The following POR variants were observed in gnomAD, a reference collection of about 807,000 sequenced individuals.
POR encodes the protein NADPH--cytochrome P450 reductase.
In POR, 56 loss-of-function variants were observed where a neutral mutation model predicts 84.0. The observed-to-expected ratio is 0.67, with a 90% CI of 0.54 to 0.83. The LOEUF is 0.83. Ranked by LOEUF, POR falls within the 40% of genes least tolerant of loss-of-function variation. POR has a pLI of 0.00. For missense variants in POR, 938 were observed against 944.3 expected (o/e 0.99, Z 0.09); for synonymous variants, 414 against 400.5 (o/e 1.03, Z -0.40).
chr7:75,965,658 G>A (rs546303552), intron 2 of POR, among the ~76,000 whole-genome samples: 1 of 152,300 alleles, frequency 6.6e-6, no homozygotes, highest in African/African-American at 2.4e-5. Flanking sequence ...CGGAAAATTA[G>A]CCCTAGTCCT....
Position 75,979,573 on chromosome 7 carries a change from T to C in POR, c.360T>C (p.Tyr120=). 6.2e-7 allele frequency: 1 copy of C among 1,613,278 alleles called. No homozygotes were observed. Among genetic ancestry groups the C allele is most frequent in the Non-Finnish European group, 8.5e-7 (1 of 1,179,774 alleles). ...GCATGTCAGCGGACCCTGAGGAGTATGACCTGGTAAGCTGCCACCGCGTGC... is the reference window on the plus strand; with the variant it reads ...GCATGTCAGCGGACCCTGAGGAGTACGACCTGGTAAGCTGCCACCGCGTGC... The change falls in exon 4 of 16, where the codon TAT becomes TAC. Residue 120 remains tyrosine (Y), a synonymous_variant. Transcript: ENST00000461988.
chr7:75,955,258 G>A (rs1283191382), intron 2 of POR, among the ~76,000 whole-genome samples: 1 of 152,176 alleles, frequency 6.6e-6, no homozygotes, highest in Non-Finnish European at 1.5e-5. Flanking sequence ...TTTTCATGAA[G>A]CTTCCTTTTA....
intron 6 of POR, 43 bp from the exon 7 acceptor site, chr7:75,981,474 G>T: frequency 1.3e-6 from 2 of 1,561,550 alleles, no homozygotes; most frequent in Non-Finnish European, 1.7e-6. Context: ...GTTGCCACAT[G>T]GGCCTCCCCT....
At position 75,984,011 on chromosome 7, in the gene POR, C is replaced by CGGGAGGCG. The variant is rs1259099082; in HGVS notation, c.1066+159_1066+166dup. Among the ~76,000 whole-genome samples, 6 of 152,274 alleles carry CGGGAGGCG rather than the reference C, an allele frequency of 3.9e-5. No individual in the cohort carries two copies. The East Asian group carries it at 1.2e-3, about 30-fold the overall frequency. ...CCACGGTTACAGGATCCCAAGCAAA[C>CGGGAGGCG]GGGAGGCGGGGTGGCCCTAGGGGTC... On this transcript the variant is annotated intron_variant, in intron 10 of 15. Transcript: ENST00000461988.
intron 1 of POR, among the ~76,000 whole-genome samples, chr7:75,952,919 T>G (rs1480823273): frequency 6.7e-6 from 1 of 149,872 alleles, no homozygotes; most frequent in African/African-American, 2.5e-5. Flanking sequence ...CCAGACGGGG[T>G]GGCGGCCGGG....
chr7:75,929,439 A>G (rs1807305201), intron 1 of POR, among the ~76,000 whole-genome samples: 2 of 151,984 alleles, frequency 1.3e-5, no homozygotes, highest in Admixed American at 6.6e-5. Flanking sequence ...TACTTTTTGT[A>G]TTTTTAGTTT....
rs10225188 is a variant in POR, at chr7:75,979,356, G to T, written c.238-95G>T. On this transcript the variant is annotated intron_variant, in intron 3 of 15. Transcript: ENST00000461988. Reference sequence around the variant, plus strand: ...GCCAGGAAGGAAAGGGGGCGGCCTGGAGGGCCCCCGCCTGCCAGGCCTGCC... The same window carrying T: ...GCCAGGAAGGAAAGGGGGCGGCCTGTAGGGCCCCCGCCTGCCAGGCCTGCC... 0.33 allele frequency: 491,130 copies of T among 1,473,350 alleles called. 86,503 individuals are homozygous for T. The highest frequency in any genetic ancestry group is 0.37 in the Non-Finnish European group (398,763 of 1,084,234). The allele number at this position is 1,473,350 out of a possible 1,614,324, so 91.3% of individuals were successfully genotyped here.
chr7:75,982,983 A>G (rs1470230453), intron 8 of POR, among the ~76,000 whole-genome samples: 3 of 152,156 alleles, frequency 2.0e-5, no homozygotes, highest in Non-Finnish European at 4.4e-5. Flanking sequence ...GGCCAGCCTC[A>G]GTTTCCACAT....
chr7:75,966,364 A>G (rs7804806), intron 2 of POR, among the ~76,000 whole-genome samples: 103,957 of 152,064 alleles, frequency 0.68, 35,754 homozygotes, highest in South Asian at 0.75. Flanking sequence ...TTCACCAAAG[A>G]CTGGCGTTTC....
intron 1 of POR, among the ~76,000 whole-genome samples, chr7:75,916,050 GA>G (rs1245770845): frequency 6.6e-6 from 1 of 152,168 alleles, no homozygotes; most frequent in Non-Finnish European, 1.5e-5. Context: ...GGCCAAGCTG[GA>G]GAATGATGCC....
chr7:75,945,664 G>GC (rs1385488015), intron 1 of POR, among the ~76,000 whole-genome samples: 1 of 152,076 alleles, frequency 6.6e-6, no homozygotes, highest in Non-Finnish European at 1.5e-5. Flanking sequence ...GAATGACCCC[G>GC]CTCCCCCTGC....
chr7:75,981,266 C>A, intron 6 of POR, 94 bp downstream of exon 6: 1 of 1,439,742 alleles, frequency 6.9e-7, no homozygotes. Flanking sequence ...TCAGCTGAGA[C>A]TCAGCGACAC....
chr7:75,981,186 C>T lies in POR; in HGVS notation c.641+14C>T. ...CGACGATGGGAAGTGAGTGCCCACC[C>T]TGCCACCATGATCAGCGCGGCGGGC... On this transcript the variant is annotated intron_variant, in intron 6 of 15. Transcript: ENST00000461988. 1 of 1,530,052 alleles carries T rather than the reference C, an allele frequency of 6.5e-7. No homozygotes were observed. Among genetic ancestry groups the T allele is most frequent in the Non-Finnish European group, 8.8e-7 (1 of 1,134,404 alleles). 94.8% of individuals were successfully genotyped at this position (1,530,052 alleles called of 1,614,324 possible). A position where few individuals can be genotyped will look rare whatever the true frequency, so the allele number is the denominator to read the frequency against.
chr7:75,983,512 C>A lies in POR; in HGVS notation c.831-8C>A. On this transcript the variant is annotated splice_region_variant and splice_polypyrimidine_tract_variant and intron_variant, in intron 8 of 15. Coordinates refer to ENST00000461988, the MANE Select transcript of POR (RefSeq NM_000941.3). The stretch of plus-strand genomic sequence containing the variant: ...GCCGCTCACTGTGCTTCTCTCCTCC[C>A]CACCCAGCCCCTTTGATGCCAAGAA... 6.2e-7 allele frequency: 1 copy of A among 1,606,828 alleles called. No homozygotes were observed. The highest frequency in any genetic ancestry group is 8.5e-7 in the Non-Finnish European group (1 of 1,174,430).
chr7:75,961,202 C>T (rs1787921318), intron 2 of POR, among the ~76,000 whole-genome samples: 1 of 150,826 alleles, frequency 6.6e-6, no homozygotes, highest in Non-Finnish European at 1.5e-5. Context: ...TACTGCATTC[C>T]AGCCTGGGCG....
chr7:75,980,172 C>T (rs1159993836), intron 4 of POR, among the ~76,000 whole-genome samples, 167 bp from the exon 5 acceptor site: 2 of 152,220 alleles, frequency 1.3e-5, no homozygotes, highest in Non-Finnish European at 2.9e-5. Flanking sequence ...CACAAATGCC[C>T]ATGCCCCAGC....
At chr7:75,981,912 T>G (rs1789071142) in intron 7 of POR, 1 of 567,148 alleles carries the variant, frequency 1.8e-6, no homozygotes, top group Non-Finnish European at 3.1e-6. Context: ...GCCAAAAACA[T>G]AACGTTCCTC....
At chr7:75,932,893 C>T (rs1807486549) in intron 1 of POR, among the ~76,000 whole-genome samples, 1 of 151,952 alleles carries the variant, frequency 6.6e-6, no homozygotes, top group Admixed American at 6.6e-5. Flanking sequence ...TGGCAGGCAC[C>T]TGTAATCCCA....
intron 1 of POR, among the ~76,000 whole-genome samples, chr7:75,938,982 G>T (rs566221640): frequency 1.3e-5 from 2 of 152,236 alleles, no homozygotes; most frequent in African/African-American, 4.8e-5. Context: ...CCCCTTCCTT[G>T]ACTGTTTCAG....
Sources: gnomAD v4.1 joint callset for allele counts (sites outside exome capture counted in the v4.1 genomes callset) on GRCh38, gnomAD v4.1.1 for gene constraint, MANE v1.5 for transcripts, NCBI Gene and HGNC (gene_info 2026-07-23, HGNC 2026-07-21) for gene names.